Variants in LRMDA observed in about 807,000 individuals in gnomAD.
The protein encoded by LRMDA is leucine-rich melanocyte differentiation-associated protein.
A neutral mutation model predicts 29.8 loss-of-function variants in LRMDA; 18 were observed. The observed-to-expected ratio is 0.60, with a 90% confidence interval of 0.42 to 0.90. LRMDA has a LOEUF of 0.90. Among genes scored for constraint, LRMDA ranks in the 40% least tolerant of loss-of-function variants. The probability of loss-of-function intolerance (pLI) is 0.00; values close to 1 mark genes in which losing one functional copy is unlikely to be tolerated. For missense variants in LRMDA, 273 were observed against 273.9 expected, an observed-to-expected ratio of 1.00 and a Z score of 0.02; for synonymous variants, 125 against 109.4, an observed-to-expected ratio of 1.14 and a Z score of -0.89.
At chr10:75,677,778 C>G (rs1564537674) in intron 2 of LRMDA, among the ~76,000 whole-genome samples, 1 of 152,154 alleles carries the variant, frequency 6.6e-6, no homozygotes, top group African/African-American at 2.4e-5. Flanking sequence ...CAACTATGCA[C>G]TGAGTTAAAT....
At position 76,558,346 on chromosome 10, in the gene LRMDA, A is replaced by ATCTT. The variant is rs1272088753; in HGVS notation, c.*1060_*1063dup. On this transcript the variant is annotated 3_prime_UTR_variant, in exon 7 of 7. Transcript: ENST00000611255. ...AAGGCACAAACCTTTTGGATTTTGCATCTTTGTCATGACCTCTCAGAAATC... is the reference window on the plus strand; with the variant it reads ...AAGGCACAAACCTTTTGGATTTTGCATCTTTCTTTGTCATGACCTCTCAGAAATC... The ATCTT allele has an allele frequency of 2.0e-5, 3 of 152,220 alleles. No individual in the cohort carries two copies. The highest frequency in any genetic ancestry group is 1.3e-4 in the Admixed American group (2 of 15,280). The allele number at this position is 152,220 out of a possible 1,614,324, so 9.4% of individuals were successfully genotyped here. A position where few individuals can be genotyped will look rare whatever the true frequency, so the allele number is the denominator to read the frequency against.
chr10:76,095,017 G>A (rs772196720), intron 5 of LRMDA, among the ~76,000 whole-genome samples: 2 of 152,080 alleles, frequency 1.3e-5, no homozygotes, highest in Non-Finnish European at 2.9e-5. Flanking sequence ...TTAGTGTAGA[G>A]TTCCATGAAA....
chr10:75,672,473 C>T (rs1156586350), intron 2 of LRMDA, among the ~76,000 whole-genome samples: 1 of 144,138 alleles, frequency 6.9e-6, no homozygotes, highest in African/African-American at 2.6e-5. Context: ...GATATTGGGA[C>T]CTCCTGTTCC....
intron 2 of LRMDA, among the ~76,000 whole-genome samples, chr10:75,577,416 G>C (rs955937034): frequency 1.3e-5 from 2 of 152,158 alleles, no homozygotes; most frequent in Non-Finnish European, 2.9e-5. Context: ...TACATTGATT[G>C]GTATACCTGA....
intron 2 of LRMDA, among the ~76,000 whole-genome samples, chr10:75,669,339 G>A (rs1040952872): frequency 6.6e-6 from 1 of 152,160 alleles, no homozygotes; most frequent in African/African-American, 2.4e-5. Flanking sequence ...GTAAAGGAAT[G>A]GGATTGTGAG....
chr10:75,555,778 A>G (rs538629866), intron 2 of LRMDA, among the ~76,000 whole-genome samples: 1 of 152,332 alleles, frequency 6.6e-6, no homozygotes, highest in Middle Eastern at 3.4e-3. Context: ...ATGGAATAGC[A>G]AGCAATGATT....
intron 2 of LRMDA, among the ~76,000 whole-genome samples, chr10:75,797,305 A>T (rs985968693): frequency 6.6e-6 from 1 of 152,138 alleles, no homozygotes; most frequent in African/African-American, 2.4e-5. Flanking sequence ...CTCTGCCATT[A>T]TACCATTTTT....
Position 75,873,807 on chromosome 10 carries a change from C to T in LRMDA, c.132-162201C>T, listed in dbSNP as rs533190038. Among the ~76,000 whole-genome samples, 18 of 152,220 alleles carry T rather than the reference C, an allele frequency of 1.2e-4. No individual in the cohort carries two copies. In the South Asian group the frequency reaches 3.3e-3, roughly 28 times the overall value. On this transcript the variant is annotated intron_variant, in intron 2 of 6. Transcript: ENST00000611255. Reference sequence around the variant, plus strand: ...GCAGTCTTCCAGCTAATGTCATCAGCGGGGAACAGCAGCAAGGAGAGGTGG... The same window carrying T: ...GCAGTCTTCCAGCTAATGTCATCAGTGGGGAACAGCAGCAAGGAGAGGTGG...
intron 2 of LRMDA, among the ~76,000 whole-genome samples, chr10:75,710,582 A>T (rs1842423850): frequency 1.3e-5 from 2 of 150,344 alleles, no homozygotes; most frequent in Admixed American, 1.3e-4. Flanking sequence ...ACGGCAGAGG[A>T]GACTTTTTGC....
At chr10:76,005,983 T>C (rs1564628120) in intron 2 of LRMDA, among the ~76,000 whole-genome samples, 2 of 151,896 alleles carry the variant, frequency 1.3e-5, no homozygotes, top group Admixed American at 6.6e-5. Context: ...ACTTAGTTCT[T>C]CTTAGGAAGG....
chr10:76,367,381 C>A (rs1441435461), intron 6 of LRMDA, among the ~76,000 whole-genome samples: 1 of 151,424 alleles, frequency 6.6e-6, no homozygotes, highest in Non-Finnish European at 1.5e-5. Context: ...CCTGTCTGGT[C>A]CTGGACTTTT....
intron 2 of LRMDA, among the ~76,000 whole-genome samples, chr10:76,003,500 C>T (rs548408722): frequency 1.2e-4 from 18 of 152,184 alleles, no homozygotes; most frequent in Non-Finnish European, 1.9e-4. Context: ...AGACATTAAA[C>T]AATAAATATG....
At position 76,383,448 on chromosome 10, in the gene LRMDA, G is replaced by A. The variant is rs866534949; in HGVS notation, c.601+58963G>A. On this transcript the variant is annotated intron_variant, in intron 6 of 6. Coordinates refer to ENST00000611255, the MANE Select transcript of LRMDA (RefSeq NM_001305581.2). ...TTTTTTTTTTTTTTTTTTTGAGACG[G>A]AGTCTCGCTCTGTCGCCCAGGCCGG... 9.0e-5 allele frequency among the ~76,000 whole-genome samples: 11 copies of A among 122,534 alleles called. No individual in the cohort carries two copies. In the South Asian group the frequency reaches 2.8e-3, roughly 31 times the overall value. 80.4% of individuals were successfully genotyped at this position (122,534 alleles called of 152,430 possible).
intron 2 of LRMDA, among the ~76,000 whole-genome samples, chr10:76,029,784 A>C (rs1260625678): frequency 6.6e-6 from 1 of 152,212 alleles, no homozygotes; most frequent in South Asian, 2.1e-4. Context: ...CAGGTCTCTC[A>C]GATGAGTGTT....
intron 2 of LRMDA, among the ~76,000 whole-genome samples, chr10:76,008,812 T>C (rs1305395429): frequency 6.6e-6 from 1 of 152,254 alleles, no homozygotes; most frequent in Non-Finnish European, 1.5e-5. Flanking sequence ...TTAAACATAG[T>C]CATGGGAGAT....
chr10:76,049,036 C>G (rs1009050107), intron 4 of LRMDA, among the ~76,000 whole-genome samples: 1 of 152,156 alleles, frequency 6.6e-6, no homozygotes, highest in Non-Finnish European at 1.5e-5. Flanking sequence ...CATTTGGAAT[C>G]AGATCCATTT....
intron 5 of LRMDA, among the ~76,000 whole-genome samples, chr10:76,142,232 A>G (rs1428726478): frequency 3.3e-5 from 5 of 152,108 alleles, no homozygotes; most frequent in African/African-American, 9.7e-5. Context: ...TTCTTGGTTT[A>G]TGACACACTA....
At chr10:76,271,913 G>C (rs916208700) in intron 5 of LRMDA, among the ~76,000 whole-genome samples, 1 of 152,188 alleles carries the variant, frequency 6.6e-6, no homozygotes, top group Non-Finnish European at 1.5e-5. Flanking sequence ...TTGGAGTCCA[G>C]CCTTGGGGAA....
chr10:75,583,096 C>T (rs1840614570), intron 2 of LRMDA, among the ~76,000 whole-genome samples: 1 of 152,176 alleles, frequency 6.6e-6, no homozygotes, highest in South Asian at 2.1e-4. Context: ...TTAGGAAGTT[C>T]CAAATTTTCT....
Sources: gnomAD v4.1 joint callset for allele counts (sites outside exome capture counted in the v4.1 genomes callset) on GRCh38, gnomAD v4.1.1 for gene constraint, MANE v1.5 for transcripts, NCBI Gene and HGNC (gene_info 2026-07-23, HGNC 2026-07-21) for gene names.